ZNF284: variants seen among roughly 807,000 people sequenced by gnomAD.
ZNF284 encodes the protein zinc finger protein 284.
A neutral mutation model predicts 12.9 loss-of-function variants in ZNF284; 12 were observed. The ratio of observed to expected loss-of-function variants is 0.93; its 90% CI spans 0.60 to 1.51. The LOEUF (loss-of-function observed/expected upper bound fraction) is 1.51, where lower values mean the gene tolerates loss of function less well. ZNF284 is among the 40% of genes most tolerant of loss of function. The probability of loss-of-function intolerance (pLI) is 0.00; values close to 1 mark genes in which losing one functional copy is unlikely to be tolerated. For synonymous variants in ZNF284, 225 were observed against 236.5 expected, an observed-to-expected ratio of 0.95 and a Z score of 0.45; for missense variants, 667 against 707.3, an observed-to-expected ratio of 0.94 and a Z score of 0.65.
intron 4 of ZNF284, among the ~76,000 whole-genome samples, chr19:44,084,383 AGGTTGTGGTGGGCAGTGCAAG>A (rs1457879501): frequency 6.6e-6 from 1 of 152,150 alleles, no homozygotes; most frequent in Non-Finnish European, 1.5e-5. Flanking sequence ...GCACGGGCAC[AGGTTGTGGTGGGCAGTGCAAG>A]GGACTCCCCA....
At chr19:44,073,354 G>A (rs569000127) in intron 1 of ZNF284, among the ~76,000 whole-genome samples, 1 of 152,122 alleles carries the variant, frequency 6.6e-6, no homozygotes, top group Non-Finnish European at 1.5e-5. Context: ...AAGGCTTATG[G>A]GCTTGGACTG....
chr19:44,082,197 G>A, intron 4 of ZNF284, 92 bp downstream of exon 4: 3 of 982,344 alleles, frequency 3.1e-6, no homozygotes, highest in Non-Finnish European at 4.6e-6. Flanking sequence ...TGGTATAAAT[G>A]GCCAAACCTG....
intron 1 of ZNF284, among the ~76,000 whole-genome samples, chr19:44,072,530 A>G (rs1377542900): frequency 6.6e-6 from 1 of 152,166 alleles, no homozygotes; most frequent in African/African-American, 2.4e-5. Context: ...TGTACCTCCC[A>G]CTGCTGTTCT....
intron 1 of ZNF284, among the ~76,000 whole-genome samples, chr19:44,075,785 A>G (rs888015987): frequency 2.6e-5 from 4 of 152,228 alleles, no homozygotes; most frequent in African/African-American, 9.6e-5. Flanking sequence ...TTTCACATAT[A>G]GCTTTCACCC....
Position 44,086,273 on chromosome 19 carries a change from G to A in ZNF284, c.795G>A (p.Gly265=). ...GEKPHICEEC[G]KAFIHNSQLR... ...AACCTCATATTTGTGAGGAATGTGG[G>A]AAGGCCTTCATTCACAATTCCCAGC... Residue 265 remains glycine (G), a synonymous_variant, in exon 5 of 5, where the codon GGG becomes GGA. Transcript: ENST00000421176. 1 of 1,614,184 alleles carries A rather than the reference G, an allele frequency of 6.2e-7. No homozygotes were observed. Among genetic ancestry groups the A allele is most frequent in the East Asian group, 2.2e-5 (1 of 44,880 alleles).
rs187243663 is a variant in ZNF284, at chr19:44,073,412, T to C, written c.-69+1121T>C. Among the ~76,000 whole-genome samples the C allele has an allele frequency of 1.1e-3, 163 of 152,330 alleles. 2 individuals are homozygous for C. Among genetic ancestry groups the C allele is most frequent in the Admixed American group, 8.1e-3 (124 of 15,308 alleles). ...TCATTCATTAGAACTATTTCATTTA[T>C]TACAAATATTTCACTTGTTATGCAG... On this transcript the variant is annotated intron_variant, in intron 1 of 4. Coordinates refer to ENST00000421176, the MANE Select transcript of ZNF284 (RefSeq NM_001037813.4).
rs1967263769 is a variant in ZNF284, at chr19:44,086,852, G to C, written c.1374G>C (p.Lys458Asn). 6.2e-7 allele frequency: 1 copy of C among 1,613,806 alleles called. No individual in the cohort carries two copies. Among genetic ancestry groups the C allele is most frequent in the South Asian group, 1.1e-5 (1 of 91,032 alleles). ...VHTGERPYNC[K>N]ECGKSFRWAS... ...CGGGAGAGAGACCTTATAATTGTAA[G>C]GAATGTGGAAAGAGCTTCAGGTGGG... The change falls in exon 5 of 5, where the codon AAG (lysine) becomes AAC (asparagine). Residue 458 changes from lysine to asparagine, a missense_variant. By Grantham distance (94) the Lys-to-Asn change is moderately conservative. Transcript: ENST00000421176.
chr19:44,080,930 C>T (rs1967111050), intron 2 of ZNF284, 85 bp from the exon 3 acceptor site: 1 of 1,500,238 alleles, frequency 6.7e-7, no homozygotes. Context: ...CAACTTCTCA[C>T]CCATCCCCTT....
At chr19:44,076,075 T>G (rs1358869612) in intron 1 of ZNF284, among the ~76,000 whole-genome samples, 1 of 152,170 alleles carries the variant, frequency 6.6e-6, no homozygotes, top group East Asian at 1.9e-4. Flanking sequence ...TCATGCATGT[T>G]GTAGCATGAG....
intron 1 of ZNF284, among the ~76,000 whole-genome samples, chr19:44,073,644 C>T (rs1300370563): frequency 6.6e-6 from 1 of 151,522 alleles, no homozygotes; most frequent in East Asian, 1.9e-4. Context: ...CCCAGGTTCA[C>T]GCCATTCTCC....
chr19:44,077,535 C>CTTTTTTGTT (rs1967050739), intron 2 of ZNF284, among the ~76,000 whole-genome samples: 1 of 76,236 alleles, frequency 1.3e-5, no homozygotes. Context: ...ATTTTTCTGT[C>CTTTTTTGTT]TTTTTTTTTT....
At chr19:44,080,156 C>T (rs1431308376) in intron 2 of ZNF284, among the ~76,000 whole-genome samples, 1 of 152,198 alleles carries the variant, frequency 6.6e-6, no homozygotes, top group Non-Finnish European at 1.5e-5. Context: ...TGAGCACACA[C>T]ACTCAGTGTG....
At chr19:44,076,538 C>T (rs1967030206) in intron 2 of ZNF284, 134 bp downstream of exon 2, 2 of 855,332 alleles carry the variant, frequency 2.3e-6, no homozygotes, top group Non-Finnish European at 3.5e-6. Flanking sequence ...CAGATGCTTC[C>T]TTGTTTCTTT....
rs778860240 is a variant in ZNF284, at chr19:44,086,485, A to T, written c.1007A>T (p.Asp336Val). The change falls in exon 5 of 5, where the codon GAC becomes GTC. Residue 336 changes from aspartate (D) to valine (V), a missense_variant. Asp to Val is a radical substitution (Grantham distance 152, BLOSUM62 -3). Transcript: ENST00000421176. The stretch of plus-strand genomic sequence containing the variant: ...TCAGCACTTAATAGTCATTGCATGG[A>T]CCACACAAAAGAGAAACTATACAAA... ...QRSALNSHCM[D>V]HTKEKLYKCE... 6.2e-7 allele frequency: 1 copy of T among 1,614,066 alleles called. No homozygotes were observed. Among genetic ancestry groups the T allele is most frequent in the South Asian group, 1.1e-5 (1 of 91,082 alleles).
At position 44,089,249 on chromosome 19, in the gene ZNF284, C is replaced by G. The variant is rs938282339; in HGVS notation, c.*1989C>G. On this transcript the variant is annotated 3_prime_UTR_variant, in exon 5 of 5. Coordinates refer to ENST00000421176, the MANE Select transcript of ZNF284 (RefSeq NM_001037813.4). ...CTAAGTGATCCTCTTGCTTCAATCC[C>G]CTGAGAAGCTGGGACTACAGGCATG... 7.2e-5 allele frequency: 11 copies of G among 151,972 alleles called. No individual in the cohort carries two copies. Among genetic ancestry groups the G allele is most frequent in the African/African-American group, 2.4e-4 (10 of 41,326 alleles). The allele number at this position is 151,972 out of a possible 1,614,324, so 9.4% of individuals were successfully genotyped here.
At chr19:44,077,630 T>C (rs1312671626) in intron 2 of ZNF284, among the ~76,000 whole-genome samples, 4 of 151,668 alleles carry the variant, frequency 2.6e-5, no homozygotes, top group Non-Finnish European at 5.9e-5. Context: ...CACTGTGTTC[T>C]ATTCCTTTGT....
At chr19:44,074,368 C>CAAA (rs34757324) in intron 1 of ZNF284, among the ~76,000 whole-genome samples, 21 of 144,776 alleles carry the variant, frequency 1.5e-4, no homozygotes, top group African/African-American at 4.8e-4. Context: ...CTCCCGGTCT[C>CAAA]AAAAAAAAAA....
At chr19:44,085,643 C>A in intron 4 of ZNF284, 71 bp from the exon 5 acceptor site, 1 of 1,345,680 alleles carries the variant, frequency 7.4e-7, no homozygotes, top group Non-Finnish European at 1.0e-6. Flanking sequence ...AGGCCATGTC[C>A]TAAGTGAAAT....
Position 44,077,788 on chromosome 19 carries a change from G to C in ZNF284, c.15+1384G>C, listed in dbSNP as rs190397569. On this transcript the variant is annotated intron_variant, in intron 2 of 4. Coordinates refer to ENST00000421176, the MANE Select transcript of ZNF284 (RefSeq NM_001037813.4). ...CTAAATTGAAAGAGAGAGAGAAGAA[G>C]AAAGAGGATTCTCCATTGAAGGACC... is the stretch of plus-strand genomic sequence containing the variant. Among the ~76,000 whole-genome samples the C allele has an allele frequency of 5.3e-5, 8 of 152,234 alleles. No individual in the cohort carries two copies. The East Asian group carries it at 1.5e-3, about 29-fold the overall frequency.
Sources: gnomAD v4.1 joint callset for allele counts (sites outside exome capture counted in the v4.1 genomes callset) on GRCh38, gnomAD v4.1.1 for gene constraint, MANE v1.5 for transcripts, NCBI Gene and HGNC (gene_info 2026-07-23, HGNC 2026-07-21) for gene names.